RBM19: variants seen among roughly 807,000 people sequenced by gnomAD.
RBM19 encodes the protein RNA binding motif protein 19, also known as probable RNA-binding protein 19.
RBM19 carries 94 observed loss-of-function variants against 116.8 expected under a neutral mutation model. The ratio of observed to expected loss-of-function variants is 0.80; its 90% CI spans 0.68 to 0.95. The LOEUF (loss-of-function observed/expected upper bound fraction) is 0.95. Ranked by LOEUF, RBM19 falls within the 40% of genes least tolerant of loss-of-function variation. The pLI, the probability that RBM19 is intolerant of heterozygous loss-of-function variation, is 0.00. For synonymous variants in RBM19, 475 were observed against 494.1 expected, an observed-to-expected ratio of 0.96 and a Z score of 0.51; for missense variants, 1,161 against 1,220.7, an observed-to-expected ratio of 0.95 and a Z score of 0.73.
intron 18 of RBM19, among the ~76,000 whole-genome samples, chr12:113,922,716 C>A (rs963848613): frequency 6.6e-6 from 1 of 151,986 alleles, no homozygotes; most frequent in African/African-American, 2.4e-5. Context: ...TCTGAAGACC[C>A]TGGAGAACAG....
downstream of RBM19, chr12:113,817,496 G>T: frequency 6.6e-6 from 1 of 152,466 alleles, no homozygotes; most frequent in Non-Finnish European, 1.5e-5. Context: ...ACAACTTCCT[G>T]AGAAGTGATA....
intron 22 of RBM19, among the ~76,000 whole-genome samples, chr12:113,855,666 A>G (rs1404821347): frequency 6.6e-6 from 1 of 152,156 alleles, no homozygotes; most frequent in Non-Finnish European, 1.5e-5. Context: ...GGCTGGGATC[A>G]TGGAGGATCC....
chr12:113,859,526 G>A (rs1027383685), intron 21 of RBM19, among the ~76,000 whole-genome samples: 6 of 152,122 alleles, frequency 3.9e-5, no homozygotes, highest in African/African-American at 1.4e-4. Flanking sequence ...CCAAAGTCAG[G>A]CAAAGCTCTG....
intron 21 of RBM19, among the ~76,000 whole-genome samples, chr12:113,907,814 C>A (rs1312219318): frequency 6.6e-6 from 1 of 152,052 alleles, no homozygotes; most frequent in South Asian, 2.1e-4. Flanking sequence ...GCCAGAGCAT[C>A]GATATTTGGA....
At chr12:113,861,389 C>T (rs1262077882) in intron 21 of RBM19, among the ~76,000 whole-genome samples, 1 of 152,028 alleles carries the variant, frequency 6.6e-6, no homozygotes, top group East Asian at 1.9e-4. Context: ...GTGTGCAAAC[C>T]CTCTACTTCT....
rs76725348 is a variant in RBM19, at chr12:113,854,017, C to T, written c.2664+4774G>A. Among the ~76,000 whole-genome samples, 342 of 152,044 alleles carry T rather than the reference C, an allele frequency of 2.2e-3. 1 individual carries two copies. Among genetic ancestry groups the T allele is most frequent in the Middle Eastern group, 3.4e-3 (1 of 294 alleles). ...AGAAGGGGAGCTACCCAGAGCCTGG[C>T]GTGGAGATACACAGAATTTAAGTGA... On this transcript the variant is annotated intron_variant, in intron 22 of 23. Transcript: ENST00000261741.
intron 23 of RBM19, among the ~76,000 whole-genome samples, chr12:113,823,875 G>A (rs1374113911): frequency 6.6e-6 from 1 of 152,202 alleles, no homozygotes; most frequent in Non-Finnish European, 1.5e-5. Flanking sequence ...CAGGCTAATG[G>A]TGCAGTACAT....
At position 113,957,806 on chromosome 12, in the gene RBM19, CT is replaced by C; in HGVS notation, c.815del (p.Lys272ArgfsTer25). 1 of 1,604,170 alleles carries C rather than the reference CT, an allele frequency of 6.2e-7. No individual in the cohort carries two copies. Among genetic ancestry groups the C allele is most frequent in the Non-Finnish European group, 8.5e-7 (1 of 1,174,190 alleles). On this transcript the variant is annotated frameshift_variant, in exon 6 of 24. Coordinates refer to ENST00000261741, the MANE Select transcript of RBM19 (RefSeq NM_016196.4). LOFTEE classifies it high-confidence loss of function. ...GQEQGMPAGK[K>X]RPPEARAETE... ...CCTCGGCTCTGGCCTCCGGTGGTCTCTTTTTCCCAGCTGGCATCCCTTGCTC... is the reference window on the plus strand; with the variant it reads ...CCTCGGCTCTGGCCTCCGGTGGTCTCTTTTCCCAGCTGGCATCCCTTGCTC...
chr12:113,918,395 G>C lies in RBM19; in HGVS notation c.2438C>G (p.Thr813Ser), dbSNP rs1882906571. 1 of 1,614,090 alleles carries C rather than the reference G, an allele frequency of 6.2e-7. No homozygotes were observed. Among genetic ancestry groups the C allele is most frequent in the East Asian group, 2.2e-5 (1 of 44,864 alleles). ...KLEVRISERA[T>S]KPAVTLARKK... ...AATGAGGACACTGAAGACTCACTTA[G>C]TGGCTCGTTCCGAGATCCTCACTTC... Residue 813 changes from threonine (T) to serine (S), a missense_variant, in exon 20 of 24, where the codon ACT becomes AGT. Physicochemically the swap from Thr to Ser is moderately conservative, Grantham distance 58 (BLOSUM62 1). Coordinates refer to ENST00000261741, the MANE Select transcript of RBM19 (RefSeq NM_016196.4).
rs1314506208 is a variant in RBM19, at chr12:113,872,253, C to T, written c.2559-13357G>A. 7.2e-4 allele frequency among the ~76,000 whole-genome samples: 106 copies of T among 146,674 alleles called. 2 individuals carry two copies. The highest frequency in any genetic ancestry group is 1.2e-3 in the Non-Finnish European group (82 of 65,890). On this transcript the variant is annotated intron_variant, in intron 21 of 23. Transcript: ENST00000261741. ...GAGGTGAGGAGCGTCTCTGCCTGGC[C>T]GCCCCGTCTGAGAAGTGAGGAGACC... is the stretch of plus-strand genomic sequence containing the variant.
Position 113,918,393 on chromosome 12 carries a change from T to G in RBM19, c.2440A>C (p.Lys814Gln). Residue 814 changes from lysine to glutamine, a missense_variant and splice_region_variant, in exon 20 of 24, where the codon AAG becomes CAG. Lys to Gln is a moderately conservative substitution (Grantham distance 53). Transcript: ENST00000261741. ...GAAATGAGGACACTGAAGACTCACT[T>G]AGTGGCTCGTTCCGAGATCCTCACT... ...LEVRISERAT[K>Q]PAVTLARKKQ... 6.2e-7 allele frequency: 1 copy of G among 1,613,870 alleles called. No homozygotes were observed. The highest frequency in any genetic ancestry group is 8.5e-7 in the Non-Finnish European group (1 of 1,179,934).
chr12:113,886,380 G>A (rs1313044698), intron 21 of RBM19, among the ~76,000 whole-genome samples: 5 of 152,112 alleles, frequency 3.3e-5, no homozygotes, highest in Non-Finnish European at 5.9e-5. Flanking sequence ...TGATGCACCC[G>A]CCTCTGCCTC....
chr12:113,922,872 G>A (rs994326400), intron 18 of RBM19, among the ~76,000 whole-genome samples: 2 of 152,192 alleles, frequency 1.3e-5, no homozygotes, highest in African/African-American at 2.4e-5. Context: ...GGAAGCTCAC[G>A]CTTGTAATAC....
intron 2 of RBM19, among the ~76,000 whole-genome samples, chr12:113,961,002 T>C (rs1216017839): frequency 6.6e-6 from 1 of 152,138 alleles, no homozygotes; most frequent in Admixed American, 6.5e-5. Context: ...CCACTGCCCC[T>C]GGGGGAAGGA....
rs146303811 is a variant in RBM19 at position 113,958,510 on chromosome 12, C to T, written c.572-460G>A. ...CCCTCAAGCCCATGCACTTTCCTTT[C>T]CTCTGTGTCTCTGCGATGCTGTTCC... On this transcript the variant is annotated intron_variant, in intron 5 of 23. Coordinates refer to ENST00000261741, the MANE Select transcript of RBM19 (RefSeq NM_016196.4). 1.0e-3 allele frequency among the ~76,000 whole-genome samples: 157 copies of T among 152,280 alleles called. 1 individual carries two copies. The highest frequency in any genetic ancestry group is 2.7e-3 in the Admixed American group (42 of 15,296).
At chr12:113,849,265 C>A (rs1175223205) in intron 22 of RBM19, among the ~76,000 whole-genome samples, 1 of 152,220 alleles carries the variant, frequency 6.6e-6, no homozygotes, top group East Asian at 1.9e-4. Context: ...GCGCTCCATG[C>A]TTAAGATCCT....
At position 113,867,854 on chromosome 12, in the gene RBM19, G is replaced by A. The variant is rs553284130; in HGVS notation, c.2559-8958C>T. ...TGAGGCAGGAGAACTGCTTGAACCC[G>A]GAAGGTGGAGATTACAGAGAGCCGA... On this transcript the variant is annotated intron_variant, in intron 21 of 23. Transcript: ENST00000261741. 3.9e-5 allele frequency among the ~76,000 whole-genome samples: 6 copies of A among 152,256 alleles called. No individual in the cohort carries two copies. In the East Asian group the frequency reaches 5.8e-4, roughly 15 times the overall value.
At chr12:113,916,413 A>C (rs1228970173) in intron 20 of RBM19, among the ~76,000 whole-genome samples, 1 of 152,218 alleles carries the variant, frequency 6.6e-6, no homozygotes, top group Non-Finnish European at 1.5e-5. Flanking sequence ...TCTCAAAAAA[A>C]TAGAAGCAGC....
At chr12:113,887,634 C>CAAAAAAAAAAAA (rs35665613) in intron 21 of RBM19, among the ~76,000 whole-genome samples, 1 of 71,176 alleles carries the variant, frequency 1.4e-5, no homozygotes, top group Non-Finnish European at 2.5e-5. Flanking sequence ...GACTCCATCT[C>CAAAAAAAAAAAA]AAAAAAAAAA....
Sources: allele counts gnomAD v4.1 joint callset (sites outside exome capture counted in the v4.1 genomes callset), GRCh38; gene constraint gnomAD v4.1.1; transcripts MANE v1.5; gene names NCBI Gene and HGNC (gene_info 2026-07-23, HGNC 2026-07-21).